LRRCC1: variants seen among roughly 807,000 people sequenced by gnomAD.
LRRCC1 encodes the protein leucine-rich repeat and coiled-coil domain-containing protein 1.
LRRCC1 carries 115 observed loss-of-function variants against 126.0 expected under a neutral mutation model. The observed-to-expected ratio is 0.91, with a 90% CI of 0.78 to 1.07. LRRCC1 has a LOEUF of 1.07. Ranked by LOEUF, LRRCC1 falls within the 50% of genes least tolerant of loss-of-function variation. The pLI is 0.00. For synonymous variants in LRRCC1, 400 were observed against 393.4 expected, an observed-to-expected ratio of 1.02 and a Z score of -0.20; for missense variants, 1,172 against 1,175.7, an observed-to-expected ratio of 1.00 and a Z score of 0.05.
chr8:85,129,064 G>A, intron 9 of LRRCC1, 111 bp from the exon 10 acceptor site: 2 of 786,218 alleles, frequency 2.5e-6, no homozygotes, highest in Non-Finnish European at 2.1e-6. Flanking sequence ...AACAGGAGTT[G>A]AGAGCATGAA....
At chr8:85,144,474 ATTTTTT>A (rs56095819) in intron 18 of LRRCC1, among the ~76,000 whole-genome samples, 10 of 46,876 alleles carry the variant, frequency 2.1e-4, no homozygotes, top group African/African-American at 5.3e-4. Context: ...ATATATATAT[ATTTTTT>A]TTTTTTTTGA....
At chr8:85,117,446 G>T (rs1182355223) in intron 6 of LRRCC1, among the ~76,000 whole-genome samples, 3 of 152,170 alleles carry the variant, frequency 2.0e-5, no homozygotes, top group Non-Finnish European at 4.4e-5. Flanking sequence ...TTGGGGTAAA[G>T]AGTAAACATG....
intron 3 of LRRCC1, among the ~76,000 whole-genome samples, chr8:85,111,899 A>G (rs4739696): frequency 1 from 151,269 of 151,270 alleles, 75,634 homozygotes; most frequent in Middle Eastern, 1. Context: ...ATTTGAGGTA[A>G]AGTCTCGCTC....
intron 10 of LRRCC1, 137 bp from the exon 11 acceptor site, chr8:85,129,782 A>G (rs1810307604): frequency 7.8e-6 from 5 of 638,238 alleles, no homozygotes; most frequent in African/African-American, 1.9e-5. Context: ...TGTGACTGTA[A>G]CATCATTAAT....
At chr8:85,142,596 G>A (rs966340346) in intron 18 of LRRCC1, among the ~76,000 whole-genome samples, 8 of 152,030 alleles carry the variant, frequency 5.3e-5, no homozygotes, top group East Asian at 1.9e-4. Flanking sequence ...AGCGGAGGCC[G>A]AGGCTGGTGG....
chr8:85,133,149 A>G (rs547869313), intron 12 of LRRCC1, among the ~76,000 whole-genome samples: 5 of 152,248 alleles, frequency 3.3e-5, no homozygotes, highest in South Asian at 4.1e-4. Context: ...GCATTGCGCT[A>G]TCAAAGCCAC....
intron 7 of LRRCC1, among the ~76,000 whole-genome samples, chr8:85,124,359 T>C (rs1309532274): frequency 6.6e-6 from 1 of 152,168 alleles, no homozygotes; most frequent in Non-Finnish European, 1.5e-5. Flanking sequence ...TGTACTTTTT[T>C]CCAGGACATA....
chr8:85,134,819 C>G, intron 12 of LRRCC1, 28 bp from the exon 13 acceptor site: 1 of 1,420,004 alleles, frequency 7.0e-7, no homozygotes, highest in Non-Finnish European at 9.6e-7. Flanking sequence ...TGGAGAACTG[C>G]TATTTATAAT....
intron 14 of LRRCC1, 122 bp downstream of exon 14, chr8:85,136,085 C>G: frequency 1.3e-6 from 1 of 795,008 alleles, no homozygotes; most frequent in Non-Finnish European, 1.8e-6. Flanking sequence ...GACCCTTTAT[C>G]TGGAAGGATA....
intron 9 of LRRCC1, among the ~76,000 whole-genome samples, chr8:85,127,142 A>G (rs1274705480): frequency 6.6e-6 from 1 of 152,314 alleles, no homozygotes; most frequent in East Asian, 1.9e-4. Context: ...TGTAAAGGGC[A>G]GGCATTGGCA....
chr8:85,137,998 A>G, intron 15 of LRRCC1, 37 bp from the exon 16 acceptor site: 2 of 1,032,890 alleles, frequency 1.9e-6, no homozygotes, highest in Middle Eastern at 2.9e-4. Flanking sequence ...AAGCATTTAA[A>G]GTTAATAAAA....
chr8:85,128,997 G>T (rs1265500314), intron 9 of LRRCC1, among the ~76,000 whole-genome samples, 178 bp from the exon 10 acceptor site: 1 of 151,948 alleles, frequency 6.6e-6, no homozygotes, highest in Non-Finnish European at 1.5e-5. Context: ...CTGTTTCTCT[G>T]TGGCTTTCCC....
intron 18 of LRRCC1, among the ~76,000 whole-genome samples, chr8:85,142,307 C>G (rs144018753): frequency 6.6e-6 from 1 of 151,962 alleles, no homozygotes; most frequent in South Asian, 2.1e-4. Context: ...AAAAAAACAC[C>G]ATATTCATGA....
intron 8 of LRRCC1, among the ~76,000 whole-genome samples, chr8:85,126,475 T>A (rs1810008120): frequency 6.6e-6 from 1 of 152,146 alleles, no homozygotes; most frequent in East Asian, 1.9e-4. Context: ...GAAGAATTGC[T>A]GGAATCCAGG....
Position 85,129,277 on chromosome 8 carries a change from G to A in LRRCC1, c.1524G>A (p.Met508Ile). 6.2e-7 allele frequency: 1 copy of A among 1,613,692 alleles called. No homozygotes were observed. The highest frequency in any genetic ancestry group is 8.5e-7 in the Non-Finnish European group (1 of 1,179,804). ...NEIKKLTVEL[M>I]KAKDQQEDHL... is the part of the protein sequence containing the mutation. The stretch of plus-strand genomic sequence containing the variant: ...TTAAAAAACTGACTGTTGAACTAAT[G>A]AAAGCAAAAGATCAACAAGAGGATC... The change falls in exon 10 of 19, where the codon ATG becomes ATA. Residue 508 changes from methionine (M) to isoleucine (I), a missense_variant. Transcript: ENST00000360375.
Position 85,135,973 on chromosome 8 carries a change from T to G in LRRCC1, c.2329+10T>G. The stretch of plus-strand genomic sequence containing the variant: ...GAGCTGGCACAACAAGGTAAAATTC[T>G]CAGATTTTCAAAGGGAAAATAGCTT... On this transcript the variant is annotated intron_variant, in intron 14 of 18. Transcript: ENST00000360375. The G allele has an allele frequency of 6.5e-7, 1 of 1,547,436 alleles. No individual in the cohort carries two copies. The highest frequency in any genetic ancestry group is 8.7e-7 in the Non-Finnish European group (1 of 1,147,814).
intron 12 of LRRCC1, 116 bp from the exon 13 acceptor site, chr8:85,134,731 G>A (rs897755670): frequency 6.1e-5 from 40 of 659,696 alleles, no homozygotes; most frequent in Non-Finnish European, 9.4e-5. Flanking sequence ...TTACTAGATT[G>A]AAACAGATTA....
Position 85,135,974 on chromosome 8 carries a change from C to A in LRRCC1, c.2329+11C>A. The A allele has an allele frequency of 6.5e-7, 1 of 1,545,110 alleles. No homozygotes were observed. The highest frequency in any genetic ancestry group is 8.7e-7 in the Non-Finnish European group (1 of 1,146,524). ...AGCTGGCACAACAAGGTAAAATTCT[C>A]AGATTTTCAAAGGGAAAATAGCTTA... On this transcript the variant is annotated intron_variant, in intron 14 of 18. Coordinates refer to ENST00000360375, the MANE Select transcript of LRRCC1 (RefSeq NM_033402.5).
intron 6 of LRRCC1, among the ~76,000 whole-genome samples, 154 bp from the exon 7 acceptor site, chr8:85,123,259 A>G (rs146119772): frequency 6.6e-6 from 1 of 152,336 alleles, no homozygotes; most frequent in Non-Finnish European, 1.5e-5. Context: ...TTGCTTGTCC[A>G]TACCAGAAGC....
Sources: gnomAD v4.1 joint callset for allele counts (sites outside exome capture counted in the v4.1 genomes callset) on GRCh38, gnomAD v4.1.1 for gene constraint, MANE v1.5 for transcripts, NCBI Gene and HGNC (gene_info 2026-07-23, HGNC 2026-07-21) for gene names.